Variants in PHKB observed in about 807,000 individuals in gnomAD.
PHKB encodes the protein phosphorylase kinase regulatory subunit beta.
In PHKB, 122 loss-of-function variants were observed where a neutral mutation model predicts 152.1. That is an observed-to-expected ratio of 0.80 (90% CI 0.69 to 0.93). The LOEUF (loss-of-function observed/expected upper bound fraction) is 0.93, where lower values mean the gene tolerates loss of function less well. Among genes scored for constraint, PHKB ranks in the 40% least tolerant of loss-of-function variants. PHKB has a pLI of 0.00. For missense variants in PHKB, 1,304 were observed against 1,328.4 expected (o/e 0.98, Z 0.29); for synonymous variants, 436 against 464.9 (o/e 0.94, Z 0.80).
chr16:47,486,112 A>G (rs934052233), intron 1 of PHKB, among the ~76,000 whole-genome samples: 2 of 152,318 alleles, frequency 1.3e-5, no homozygotes, highest in East Asian at 1.9e-4. Context: ...CCAATGTAGT[A>G]TGGAAAATAA....
At chr16:47,564,237 T>C (rs1490635936) in intron 7 of PHKB, among the ~76,000 whole-genome samples, 1 of 152,104 alleles carries the variant, frequency 6.6e-6, no homozygotes, top group African/African-American at 2.4e-5. Context: ...TTTTAGTTCT[T>C]GGAGAAATTT....
intron 7 of PHKB, among the ~76,000 whole-genome samples, chr16:47,556,581 T>G (rs1408825064): frequency 1.2e-4 from 18 of 152,186 alleles, no homozygotes; most frequent in Admixed American, 1.1e-3. Flanking sequence ...TTATTGATTT[T>G]CATATATTGA....
chr16:47,569,743 C>T (rs748091925), intron 7 of PHKB, among the ~76,000 whole-genome samples: 1 of 152,178 alleles, frequency 6.6e-6, no homozygotes, highest in Non-Finnish European at 1.5e-5. Flanking sequence ...ACCTCAGCCT[C>T]CCCAGTAGCT....
chr16:47,551,829 T>C (rs974099563), intron 7 of PHKB, among the ~76,000 whole-genome samples: 1 of 152,218 alleles, frequency 6.6e-6, no homozygotes, highest in Admixed American at 6.5e-5. Context: ...AGTCTTCCAC[T>C]ATTATTGTGT....
intron 1 of PHKB, among the ~76,000 whole-genome samples, chr16:47,481,916 T>C (rs1165991668): frequency 6.6e-6 from 1 of 152,176 alleles, no homozygotes. Flanking sequence ...CATGACCTTT[T>C]AGCTATGAAG....
chr16:47,635,725 A>G (rs1972907385), intron 14 of PHKB, among the ~76,000 whole-genome samples: 1 of 152,210 alleles, frequency 6.6e-6, no homozygotes. Context: ...AGGATAAGTG[A>G]GTGACTATGA....
chr16:47,661,060 G>A (rs1220849601), intron 22 of PHKB, among the ~76,000 whole-genome samples: 4 of 152,184 alleles, frequency 2.6e-5, no homozygotes, highest in African/African-American at 4.8e-5. Context: ...ATACAAGTAT[G>A]GTATGAGCCA....
intron 6 of PHKB, among the ~76,000 whole-genome samples, chr16:47,532,706 G>T (rs1970882744): frequency 1.3e-5 from 2 of 152,246 alleles, no homozygotes; most frequent in South Asian, 4.1e-4. Flanking sequence ...GCTTGGAGAT[G>T]TCAGGAACCA....
rs1206134811 is a variant in PHKB, at chr16:47,499,840, T to G, written c.251T>G (p.Ile84Ser). The G allele has an allele frequency of 3.7e-6, 6 of 1,614,046 alleles. No individual in the cohort carries two copies. Among genetic ancestry groups the G allele is most frequent in the Non-Finnish European group, 4.2e-6 (5 of 1,180,038 alleles). ...KTCGGDQKAK[I>S]QDSLYCAAGA... ...TGCGGTGGTGACCAGAAGGCCAAGATCCAGGACAGCCTATACTGCGCTGCT... is the reference window on the plus strand; with the variant it reads ...TGCGGTGGTGACCAGAAGGCCAAGAGCCAGGACAGCCTATACTGCGCTGCT... The change falls in exon 3 of 31, where the codon ATC (isoleucine) becomes AGC (serine). Residue 84 changes from isoleucine to serine, a missense_variant. Ile to Ser is a moderately radical substitution (Grantham distance 142). Coordinates refer to ENST00000323584, the MANE Select transcript of PHKB (RefSeq NM_000293.3).
Position 47,504,777 on chromosome 16 carries a change from G to A in PHKB, c.405+1687G>A, listed in dbSNP as rs527897024. The stretch of plus-strand genomic sequence containing the variant: ...TGAGTCAGTGTTTTGCAAGAAAGCC[G>A]CCTTGGCGCAGTGAAGGTGAAGGCC... On this transcript the variant is annotated intron_variant, in intron 4 of 30. Coordinates refer to ENST00000323584, the MANE Select transcript of PHKB (RefSeq NM_000293.3). Among the ~76,000 whole-genome samples, 512 of 152,356 alleles carry A rather than the reference G, an allele frequency of 3.4e-3. 2 individuals carry two copies. The highest frequency in any genetic ancestry group is 0.01 in the Middle Eastern group (3 of 294).
At chr16:47,634,338 G>T (rs1972879026) in intron 14 of PHKB, among the ~76,000 whole-genome samples, 1 of 152,108 alleles carries the variant, frequency 6.6e-6, no homozygotes, top group Non-Finnish European at 1.5e-5. Flanking sequence ...CCATTTTACA[G>T]ACAAGCAAAG....
intron 23 of PHKB, among the ~76,000 whole-genome samples, chr16:47,662,006 A>G (rs1973453736): frequency 6.6e-6 from 1 of 152,192 alleles, no homozygotes; most frequent in Non-Finnish European, 1.5e-5. Flanking sequence ...GCTTTCATGC[A>G]GTGATGCTTG....
At chr16:47,613,422 G>A (rs964512147) in intron 14 of PHKB, among the ~76,000 whole-genome samples, 39 of 152,100 alleles carry the variant, frequency 2.6e-4, no homozygotes, top group Non-Finnish European at 8.8e-5. Flanking sequence ...CTAAAGGTCG[G>A]TTATGTAGGC....
chr16:47,514,439 A>G (rs1251314969), intron 5 of PHKB, among the ~76,000 whole-genome samples: 2 of 152,192 alleles, frequency 1.3e-5, no homozygotes, highest in Non-Finnish European at 2.9e-5. Context: ...GAAGCCCTGG[A>G]ACCAAAAGCT....
At chr16:47,484,094 A>G (rs1970010862) in intron 1 of PHKB, among the ~76,000 whole-genome samples, 1 of 152,218 alleles carries the variant, frequency 6.6e-6, no homozygotes, top group Non-Finnish European at 1.5e-5. Flanking sequence ...ATAAATAAGA[A>G]AGGAAAATGA....
At chr16:47,608,278 A>C (rs1972364050) in intron 13 of PHKB, among the ~76,000 whole-genome samples, 1 of 152,076 alleles carries the variant, frequency 6.6e-6, no homozygotes, top group South Asian at 2.1e-4. Context: ...ACTTACTTCT[A>C]TATTGTCTTC....
chr16:47,584,775 G>A (rs1217923588), intron 8 of PHKB, among the ~76,000 whole-genome samples: 3 of 152,334 alleles, frequency 2.0e-5, no homozygotes, highest in South Asian at 2.1e-4. Context: ...GATCATGTAC[G>A]ATAGGTAGAT....
intron 20 of PHKB, among the ~76,000 whole-genome samples, 187 bp from the exon 21 acceptor site, chr16:47,660,319 G>C (rs1973416573): frequency 6.6e-6 from 1 of 151,784 alleles, no homozygotes; most frequent in South Asian, 2.1e-4. Context: ...TCTATTTTAG[G>C]GTTTTTTTTG....
intron 13 of PHKB, among the ~76,000 whole-genome samples, chr16:47,605,786 A>G (rs1972312307): frequency 6.6e-6 from 1 of 152,310 alleles, no homozygotes. Context: ...AAAATGTAAC[A>G]TGTCTAAATA....
Sources: gnomAD v4.1 joint callset for allele counts (sites outside exome capture counted in the v4.1 genomes callset) on GRCh38, gnomAD v4.1.1 for gene constraint, MANE v1.5 for transcripts, NCBI Gene and HGNC (gene_info 2026-07-23, HGNC 2026-07-21) for gene names.